The following USH2A variants were observed in gnomAD, a reference collection of about 807,000 sequenced individuals.
USH2A encodes Usher syndrome 2A (autosomal recessive, mild).
In USH2A, 443 loss-of-function variants were observed where a neutral mutation model predicts 538.9. The observed-to-expected ratio is 0.82, with a 90% CI of 0.76 to 0.89. The LOEUF is 0.89. USH2A is among the 40% of genes least tolerant of loss of function. USH2A has a pLI of 0.00. For synonymous variants in USH2A, 2,413 were observed against 2,273.5 expected (o/e 1.06, Z -1.75); for missense variants, 6,633 against 6,324.8 (o/e 1.05, Z -1.65).
intron 56 of USH2A, among the ~76,000 whole-genome samples, chr1:215,764,539 T>C (rs1271818799): frequency 1.3e-5 from 2 of 152,162 alleles, no homozygotes; most frequent in Admixed American, 6.5e-5. Flanking sequence ...AACTTGTCAA[T>C]GAGGTTGTAA....
rs138940044 is a variant in USH2A at position 216,055,497 on chromosome 1, G to C, written c.6050-6850C>G. Among the ~76,000 whole-genome samples the C allele has an allele frequency of 6.5e-3, 984 of 152,274 alleles. 15 individuals carry two copies. Among genetic ancestry groups the C allele is most frequent in the African/African-American group, 0.022 (925 of 41,536 alleles). On this transcript the variant is annotated intron_variant, in intron 30 of 71. Transcript: ENST00000307340. ...ACATCCCAAACCAACCCAGTGGATGGATTAAAGAGAGTAATCAATCCAATA... is the reference window on the plus strand; with the variant it reads ...ACATCCCAAACCAACCCAGTGGATGCATTAAAGAGAGTAATCAATCCAATA...
intron 58 of USH2A, among the ~76,000 whole-genome samples, chr1:215,752,953 C>A (rs978289277): frequency 1.3e-5 from 2 of 152,068 alleles, no homozygotes; most frequent in Non-Finnish European, 2.9e-5. Flanking sequence ...TGAACTCAAA[C>A]AAATTTACAA....
intron 3 of USH2A, among the ~76,000 whole-genome samples, chr1:216,402,182 T>G (rs1202129462): frequency 6.6e-6 from 1 of 152,102 alleles, no homozygotes; most frequent in East Asian, 1.9e-4. Flanking sequence ...TGAACAAATG[T>G]TAAAGAACTG....
rs1657995560 is a variant in USH2A at position 215,675,564 on chromosome 1, T to G, written c.12347A>C (p.Gln4116Pro). The G allele has an allele frequency of 1.2e-6, 2 of 1,614,094 alleles. No homozygotes were observed. Among genetic ancestry groups the G allele is most frequent in the Non-Finnish European group, 1.7e-6 (2 of 1,180,002 alleles). The change falls in exon 63 of 72, where the codon CAG becomes CCG. Residue 4116 changes from glutamine (Q) to proline (P), a missense_variant. Gln to Pro is a moderately conservative substitution (Grantham distance 76). Transcript: ENST00000307340. ...AGGATCCAGGCGGCGGAAGAGAAAC[T>G]GACGATTCAAACCAGAGTACTCCAG... ...GFLEYSGLNR[Q>P]FLFRRLDPFT...
At chr1:216,063,100 G>A (rs2031236934) in intron 30 of USH2A, among the ~76,000 whole-genome samples, 1 of 152,102 alleles carries the variant, frequency 6.6e-6, no homozygotes, top group Admixed American at 6.5e-5. Context: ...TGCTAAATAA[G>A]GGTTATTTTC....
intron 23 of USH2A, among the ~76,000 whole-genome samples, chr1:216,088,678 C>G (rs2102564863): frequency 6.6e-6 from 1 of 152,292 alleles, no homozygotes; most frequent in South Asian, 2.1e-4. Context: ...TCTCCAAATG[C>G]AGACAAAAAC....
intron 38 of USH2A, among the ~76,000 whole-genome samples, chr1:215,924,590 T>A (rs949171312): frequency 7.3e-6 from 1 of 136,834 alleles, no homozygotes; most frequent in Non-Finnish European, 1.6e-5. Context: ...GACTGCAGTG[T>A]CAGTCAGACA....
chr1:216,176,928 C>G (rs1177510672), intron 20 of USH2A, among the ~76,000 whole-genome samples: 1 of 152,138 alleles, frequency 6.6e-6, no homozygotes, highest in Non-Finnish European at 1.5e-5. Flanking sequence ...TAGTTTATCA[C>G]AGTTTATTTA....
Position 216,279,598 on chromosome 1 carries a change from T to C in USH2A, c.1971+9682A>G, listed in dbSNP as rs185620797. Among the ~76,000 whole-genome samples the C allele has an allele frequency of 3.3e-3, 500 of 151,974 alleles. 1 individual carries two copies. The highest frequency in any genetic ancestry group is 5.1e-3 in the Non-Finnish European group (345 of 67,784). On this transcript the variant is annotated intron_variant, in intron 11 of 71. Transcript: ENST00000307340. ...GAGCCCCAACCCCAAACTTCCTGAATGAGAATCTGTCTTTTAAAAAGATAC... is the reference window on the plus strand; with the variant it reads ...GAGCCCCAACCCCAAACTTCCTGAACGAGAATCTGTCTTTTAAAAAGATAC...
At chr1:215,651,711 G>A (rs1185838407) in intron 64 of USH2A, among the ~76,000 whole-genome samples, 1 of 150,858 alleles carries the variant, frequency 6.6e-6, no homozygotes, top group African/African-American at 2.4e-5. Flanking sequence ...AGATATTTGT[G>A]GGGGAAAAAA....
At chr1:216,075,770 A>G (rs558728868) in intron 27 of USH2A, among the ~76,000 whole-genome samples, 1 of 152,278 alleles carries the variant, frequency 6.6e-6, no homozygotes, top group Non-Finnish European at 1.5e-5. Flanking sequence ...GCACATCTTC[A>G]GCAAATTATG....
chr1:216,064,368 C>T (rs527911561), intron 30 of USH2A, among the ~76,000 whole-genome samples: 7 of 151,968 alleles, frequency 4.6e-5, no homozygotes, highest in Admixed American at 1.3e-4. Flanking sequence ...TCTGGGGTCA[C>T]GTAGACAACT....
intron 44 of USH2A, among the ~76,000 whole-genome samples, chr1:215,858,447 T>C (rs1021396985): frequency 5.3e-5 from 8 of 150,396 alleles, no homozygotes; most frequent in African/African-American, 1.7e-4. Flanking sequence ...ATCTGATGGT[T>C]TCATAAGTGT....
At chr1:216,192,149 T>G (rs1305944584) in intron 19 of USH2A, among the ~76,000 whole-genome samples, 1 of 152,058 alleles carries the variant, frequency 6.6e-6, no homozygotes, top group African/African-American at 2.4e-5. Flanking sequence ...CAATGAATCC[T>G]ACATCATCAC....
At chr1:215,818,305 T>C (rs1662916650) in intron 47 of USH2A, among the ~76,000 whole-genome samples, 1 of 151,854 alleles carries the variant, frequency 6.6e-6, no homozygotes. Context: ...GGTGTTTTGT[T>C]ACTTGCAGTC....
chr1:216,001,752 A>G (rs189658079), intron 32 of USH2A, among the ~76,000 whole-genome samples: 136 of 152,326 alleles, frequency 8.9e-4, no homozygotes, highest in Middle Eastern at 6.8e-3. Flanking sequence ...CATTGCACTG[A>G]TAACAAAAGT....
chr1:216,309,382 C>G (rs1233532550), intron 9 of USH2A, among the ~76,000 whole-genome samples: 1 of 152,128 alleles, frequency 6.6e-6, no homozygotes, highest in Non-Finnish European at 1.5e-5. Flanking sequence ...CTAATTCAGC[C>G]TCTGCTCAGA....
intron 16 of USH2A, among the ~76,000 whole-genome samples, chr1:216,203,625 C>T (rs898302294): frequency 1.1e-4 from 17 of 152,106 alleles, no homozygotes; most frequent in African/African-American, 4.1e-4. Context: ...TCTTATATTT[C>T]TTCATTTATT....
chr1:216,243,568 A>T (rs1341879969), intron 13 of USH2A, among the ~76,000 whole-genome samples: 11 of 152,304 alleles, frequency 7.2e-5, no homozygotes, highest in African/African-American at 2.6e-4. Flanking sequence ...TCAATAGGAT[A>T]TGAGTAGAAC....
Sources: gnomAD v4.1 joint callset for allele counts (sites outside exome capture counted in the v4.1 genomes callset) on GRCh38, gnomAD v4.1.1 for gene constraint, MANE v1.5 for transcripts, NCBI Gene and HGNC (gene_info 2026-07-23, HGNC 2026-07-21) for gene names.